Variants in FNIP1 observed in about 807,000 individuals in gnomAD.
FNIP1 encodes folliculin-interacting protein 1.
In FNIP1, 40 loss-of-function variants were observed where a neutral mutation model predicts 124.5. The observed-to-expected ratio is 0.32, with a 90% CI of 0.25 to 0.42. The LOEUF (loss-of-function observed/expected upper bound fraction) is 0.42, where lower values mean the gene tolerates loss of function less well. Ranked by LOEUF, FNIP1 falls within the 10% of genes least tolerant of loss-of-function variation. The probability of loss-of-function intolerance (pLI) is 1.00; values close to 1 mark genes in which losing one functional copy is unlikely to be tolerated. For synonymous variants in FNIP1, 472 were observed against 470.6 expected, an observed-to-expected ratio of 1.00 and a Z score of -0.04; for missense variants, 1,176 against 1,403.7, an observed-to-expected ratio of 0.84 and a Z score of 2.59.
chr5:131,688,069 A>G (rs1768343070), intron 11 of FNIP1, among the ~76,000 whole-genome samples: 2 of 151,994 alleles, frequency 1.3e-5, no homozygotes. Context: ...GCTAAGAAAT[A>G]CTTCCAAAGG....
At chr5:131,693,348 A>ATATG (rs1554094505) in intron 11 of FNIP1, among the ~76,000 whole-genome samples, 9 of 133,642 alleles carry the variant, frequency 6.7e-5, no homozygotes, top group East Asian at 2.1e-4. Flanking sequence ...ATATATATAT[A>ATATG]TATATATATA....
chr5:131,676,714 C>T (rs1767922875), intron 13 of FNIP1, among the ~76,000 whole-genome samples: 1 of 151,966 alleles, frequency 6.6e-6, no homozygotes, highest in Non-Finnish European at 1.5e-5. Flanking sequence ...GAGCCATGAT[C>T]GTGCCACTGC....
At chr5:131,771,813 C>G (rs1771643628) in intron 1 of FNIP1, among the ~76,000 whole-genome samples, 1 of 151,994 alleles carries the variant, frequency 6.6e-6, no homozygotes, top group Non-Finnish European at 1.5e-5. Context: ...TCACATTTAC[C>G]TTCCCTTCTA....
rs1766921227 is a variant in FNIP1, at chr5:131,647,450, A to G, written c.3307-245T>C. ...TTTTTAACTGTGCAAAAATACACATACAATTTGCCCTTTTAACCATTTTTT... is the reference window on the plus strand; with the variant it reads ...TTTTTAACTGTGCAAAAATACACATGCAATTTGCCCTTTTAACCATTTTTT... On this transcript the variant is annotated intron_variant, in intron 16 of 17. Transcript: ENST00000510461. Among the ~76,000 whole-genome samples the G allele has an allele frequency of 2.0e-5, 3 of 151,086 alleles. No individual in the cohort carries two copies. The South Asian group carries it at 6.3e-4, about 32-fold the overall frequency.
chr5:131,706,754 G>A (rs932124665), intron 8 of FNIP1, among the ~76,000 whole-genome samples: 4 of 152,162 alleles, frequency 2.6e-5, no homozygotes, highest in African/African-American at 7.2e-5. Flanking sequence ...AAAAAACTCT[G>A]AGACAATCCC....
intron 3 of FNIP1, among the ~76,000 whole-genome samples, chr5:131,729,692 C>T (rs1770010640): frequency 6.6e-6 from 1 of 152,202 alleles, no homozygotes; most frequent in Admixed American, 6.5e-5. Context: ...ATCCTCCCAC[C>T]TCAGCCTCCT....
rs775667904 is a variant in FNIP1, at chr5:131,672,212, A to G, written c.2232T>C (p.Cys744=). 1.1e-5 allele frequency: 17 copies of G among 1,614,232 alleles called. No individual in the cohort carries two copies. In the South Asian group the frequency reaches 1.8e-4, roughly 17 times the overall value. The part of the protein sequence containing the change: ...PDKIVPASFS[C]EAAQTKVTFL... ...AAGTAACCTTTGTCTGGGCAGCCTC[A>G]CAAGAAAATGAAGCAGGCACAATCT... The change falls in exon 14 of 18, where the codon TGT becomes TGC. Residue 744 remains cysteine, a synonymous_variant. Transcript: ENST00000510461.
chr5:131,788,729 A>AAGT (rs1419027085), intron 1 of FNIP1, among the ~76,000 whole-genome samples: 2 of 151,356 alleles, frequency 1.3e-5, no homozygotes, highest in Admixed American at 1.3e-4. Flanking sequence ...AGTGATATCC[A>AAGT]AGTTTCATAA....
Position 131,706,765 on chromosome 5 carries a change from C to G in FNIP1, c.779-219G>C, listed in dbSNP as rs147001721. ...CAGCAAAAAACTCTGAGACAATCCCCTTTTGGCATTCCCCTCTAGGGACTC... is the reference window on the plus strand; with the variant it reads ...CAGCAAAAAACTCTGAGACAATCCCGTTTTGGCATTCCCCTCTAGGGACTC... On this transcript the variant is annotated intron_variant, in intron 8 of 17. Coordinates refer to ENST00000510461, the MANE Select transcript of FNIP1 (RefSeq NM_133372.3). Among the ~76,000 whole-genome samples, 11 of 152,314 alleles carry G rather than the reference C, an allele frequency of 7.2e-5. No individual in the cohort carries two copies. In the East Asian group the frequency reaches 2.1e-3, roughly 29 times the overall value.
intron 15 of FNIP1, among the ~76,000 whole-genome samples, chr5:131,659,887 G>C (rs1219295716): frequency 6.6e-6 from 1 of 152,182 alleles, no homozygotes; most frequent in South Asian, 2.1e-4. Flanking sequence ...ATCCCAGTTG[G>C]TGATGATGCC....
At chr5:131,729,658 T>G (rs1325028012) in intron 3 of FNIP1, among the ~76,000 whole-genome samples, 1 of 152,076 alleles carries the variant, frequency 6.6e-6, no homozygotes, top group Non-Finnish European at 1.5e-5. Flanking sequence ...ACTCACCACA[T>G]CCTAGAACTT....
intron 1 of FNIP1, among the ~76,000 whole-genome samples, chr5:131,773,729 T>G (rs956904670): frequency 6.6e-6 from 1 of 152,252 alleles, no homozygotes; most frequent in Non-Finnish European, 1.5e-5. Context: ...AATTTAATAT[T>G]CTGACAACTA....
intron 1 of FNIP1, among the ~76,000 whole-genome samples, chr5:131,760,680 ATTG>A (rs1561694329): frequency 6.6e-6 from 1 of 152,114 alleles, no homozygotes; most frequent in African/African-American, 2.4e-5. Context: ...CTTATCCATC[ATTG>A]TTATTTCTCA....
chr5:131,728,806 C>T (rs1284897092), intron 3 of FNIP1, among the ~76,000 whole-genome samples: 1 of 152,146 alleles, frequency 6.6e-6, no homozygotes. Flanking sequence ...CGTTTTTCCT[C>T]ACTTCGTGTA....
intron 11 of FNIP1, among the ~76,000 whole-genome samples, chr5:131,687,117 T>C (rs1768306105): frequency 1.3e-5 from 2 of 151,664 alleles, no homozygotes; most frequent in African/African-American, 2.4e-5. Context: ...TTTTTTTTTT[T>C]TCCTTTGAGA....
At chr5:131,656,897 G>T (rs1382382451) in intron 15 of FNIP1, among the ~76,000 whole-genome samples, 1 of 151,780 alleles carries the variant, frequency 6.6e-6, no homozygotes, top group African/African-American at 2.4e-5. Context: ...CTTATATAAA[G>T]AGCTGCTAAC....
At chr5:131,644,861 A>C in intron 17 of FNIP1, 98 bp from the exon 18 acceptor site, 4 of 1,205,686 alleles carry the variant, frequency 3.3e-6, no homozygotes, top group Non-Finnish European at 3.6e-6. Flanking sequence ...ACTATACCTC[A>C]ACGGTTAAGG....
intron 13 of FNIP1, among the ~76,000 whole-genome samples, chr5:131,676,479 C>G (rs569080232): frequency 6.6e-6 from 1 of 152,058 alleles, no homozygotes; most frequent in Non-Finnish European, 1.5e-5. Context: ...TGTGTTGGGC[C>G]AGGTGTGGTG....
intron 1 of FNIP1, among the ~76,000 whole-genome samples, chr5:131,770,962 A>C (rs1228128613): frequency 1.3e-5 from 2 of 152,146 alleles, no homozygotes; most frequent in Non-Finnish European, 2.9e-5. Context: ...TTATACTTTA[A>C]GTTTTAGGGT....
Sources: allele counts gnomAD v4.1 joint callset (sites outside exome capture counted in the v4.1 genomes callset), GRCh38; gene constraint gnomAD v4.1.1; transcripts MANE v1.5; gene names NCBI Gene and HGNC (gene_info 2026-07-23, HGNC 2026-07-21).